NOC3L: variants seen among roughly 807,000 people sequenced by gnomAD.
The protein encoded by NOC3L is nucleolar complex protein 3 homolog.
A neutral mutation model predicts 102.5 loss-of-function variants in NOC3L; 85 were observed. The ratio of observed to expected loss-of-function variants is 0.83; its 90% CI spans 0.70 to 0.99. The LOEUF (loss-of-function observed/expected upper bound fraction) is 0.99, where lower values mean the gene tolerates loss of function less well. NOC3L is among the 50% of genes least tolerant of loss of function. NOC3L has a pLI of 0.00. For synonymous variants in NOC3L, 303 were observed against 309.4 expected (o/e 0.98, Z 0.22); for missense variants, 878 against 914.9 (o/e 0.96, Z 0.52).
intron 11 of NOC3L, among the ~76,000 whole-genome samples, chr10:94,345,644 G>GA (rs1346359608): frequency 6.6e-6 from 1 of 152,134 alleles, no homozygotes; most frequent in East Asian, 1.9e-4. Context: ...CCTGCATTAG[G>GA]ATAGTATAAT....
At position 94,356,535 on chromosome 10, in the gene NOC3L, C is replaced by T; in HGVS notation, c.565G>A (p.Glu189Lys). 1 of 1,570,536 alleles carries T rather than the reference C, an allele frequency of 6.4e-7. No individual in the cohort carries two copies. Among genetic ancestry groups the T allele is most frequent in the Non-Finnish European group, 8.8e-7 (1 of 1,142,128 alleles). The change falls in exon 5 of 21, where the codon GAG becomes AAG. Residue 189 changes from glutamate to lysine, a missense_variant and splice_region_variant. Physicochemically the swap from Glu to Lys is moderately conservative, Grantham distance 56 (BLOSUM62 1). Coordinates refer to ENST00000371361, the MANE Select transcript of NOC3L (RefSeq NM_022451.11). Reference sequence around the variant, plus strand: ...TTTAGTAACTGTAAAGACATATTACCTTCCTCAAGTTCCCTCTCTTCTTCT... The same window carrying T: ...TTTAGTAACTGTAAAGACATATTACTTTCCTCAAGTTCCCTCTCTTCTTCT... Reference protein sequence around the residue: ...DQEEERELEEEIIEDPIQELT... With the variant: ...DQEEERELEEKIIEDPIQELT...
chr10:94,319,553 T>C, the NOC3L span, among the ~76,000 whole-genome samples: 1 of 152,186 alleles, frequency 6.6e-6, no homozygotes, highest in Non-Finnish European at 1.5e-5. Flanking sequence ...CATCTTCCTG[T>C]GGTCAATGTG....
Position 94,362,912 on chromosome 10 carries a change from A to T in NOC3L, c.-74T>A. The stretch of plus-strand genomic sequence containing the variant: ...GTTACTACAGAAATCCCGGGGAATG[A>T]CACACGTGCCGAAGTCCCTACACTA... On this transcript the variant is annotated 5_prime_UTR_variant, in exon 1 of 21. Coordinates refer to ENST00000371361, the MANE Select transcript of NOC3L (RefSeq NM_022451.11). The T allele has an allele frequency of 6.2e-7, 1 of 1,612,588 alleles. No individual in the cohort carries two copies. Among genetic ancestry groups the T allele is most frequent in the Non-Finnish European group, 8.5e-7 (1 of 1,178,978 alleles).
chr10:94,350,285 C>T lies in NOC3L; in HGVS notation c.956G>A (p.Trp319Ter), dbSNP rs1370016984. ...ACTTTTCTTCAGCTTCCTCTGCTTC[C>T]AATCTAATCAAAAGATAACTGTAGT... The part of the protein sequence containing the change: ...LENLEQMVKD[W>*]KQRKLKKSNV... The change falls in exon 9 of 21, where the codon TGG becomes TAG. Residue 319 changes from tryptophan (W) to a stop codon, truncating the protein, a stop_gained. Transcript: ENST00000371361. LOFTEE classifies it high-confidence loss of function. The T allele has an allele frequency of 1.2e-6, 2 of 1,613,626 alleles. No individual in the cohort carries two copies. Among genetic ancestry groups the T allele is most frequent in the African/African-American group, 1.3e-5 (1 of 74,880 alleles).
At chr10:94,343,189 T>A (rs12256949) in intron 13 of NOC3L, among the ~76,000 whole-genome samples, 57 of 152,286 alleles carry the variant, frequency 3.7e-4, no homozygotes, top group African/African-American at 9.1e-4. Flanking sequence ...ATTATTTAAA[T>A]TTTTTAAATG....
chr10:94,333,822 T>C lies in NOC3L; in HGVS notation c.*355A>G, dbSNP rs781741966. ...TAAAATGTCTTCTCATGGTCTTGAT[T>C]TTTCTGTGCTCTATGCCCTAATTTT... On this transcript the variant is annotated 3_prime_UTR_variant, in exon 21 of 21. Transcript: ENST00000371361. The C allele has an allele frequency of 6.2e-6, 1 of 160,566 alleles. No individual in the cohort carries two copies. Among genetic ancestry groups the C allele is most frequent in the Non-Finnish European group, 1.4e-5 (1 of 73,858 alleles). 9.9% of individuals were successfully genotyped at this position (160,566 alleles called of 1,614,324 possible).
intron 19 of NOC3L, 137 bp downstream of exon 19, chr10:94,337,640 T>C: frequency 1.7e-6 from 1 of 572,456 alleles, no homozygotes. Context: ...AATTCAGGAA[T>C]ATGAAGCAAG....
At chr10:94,353,138 A>G in intron 6 of NOC3L, 81 bp from the exon 7 acceptor site, 1 of 1,160,746 alleles carries the variant, frequency 8.6e-7, no homozygotes. Context: ...CACATCCGGC[A>G]AAACAAGCGG....
At chr10:94,327,244 T>C in the NOC3L span, among the ~76,000 whole-genome samples, 1 of 152,084 alleles carries the variant, frequency 6.6e-6, no homozygotes, top group Non-Finnish European at 1.5e-5. Context: ...TCCTTTACAA[T>C]GGTCTTTTCA....
At position 94,350,149 on chromosome 10, in the gene NOC3L, T is replaced by C. The variant is rs377213843; in HGVS notation, c.1092A>G (p.Val364=). ...PHFNFHNNII[V]LIVPLMNDMS... Reference sequence around the variant, plus strand: ...TGTCATTCATGAGAGGGACAATCAATACGATGATGTTGTTGTGAAAGTTAA... The same window carrying C: ...TGTCATTCATGAGAGGGACAATCAACACGATGATGTTGTTGTGAAAGTTAA... Residue 364 remains valine, a synonymous_variant, in exon 9 of 21, where the codon GTA becomes GTG. Transcript: ENST00000371361. 4 of 1,613,994 alleles carry C rather than the reference T, an allele frequency of 2.5e-6. No individual in the cohort carries two copies. In the African/African-American group the frequency reaches 5.3e-5, roughly 22 times the overall value.
chr10:94,336,051 T>C (rs2054213915), intron 19 of NOC3L, among the ~76,000 whole-genome samples: 1 of 152,210 alleles, frequency 6.6e-6, no homozygotes, highest in South Asian at 2.1e-4. Flanking sequence ...TTGTAGGAGT[T>C]ATTTATATCC....
intron 2 of NOC3L, among the ~76,000 whole-genome samples, chr10:94,359,786 G>T (rs2054531860): frequency 6.6e-6 from 1 of 151,970 alleles, no homozygotes; most frequent in Non-Finnish European, 1.5e-5. Flanking sequence ...ATACACTCTT[G>T]GTGGGAATGT....
In NOC3L at chr10:94,361,890, G is replaced by C. The variant is rs1159216037; in HGVS notation, c.10-18C>G. ...TTTCTTCTCTAGAAAATAACAGAAA[G>C]AATACTGCATACCCAGAAACTTATT... is the stretch of plus-strand genomic sequence containing the variant. On this transcript the variant is annotated intron_variant, in intron 1 of 20. Coordinates refer to ENST00000371361, the MANE Select transcript of NOC3L (RefSeq NM_022451.11). 6.5e-7 allele frequency: 1 copy of C among 1,540,618 alleles called. No homozygotes were observed. Among genetic ancestry groups the C allele is most frequent in the East Asian group, 2.2e-5 (1 of 44,532 alleles).
chr10:94,339,586 A>G (rs1473010539), intron 17 of NOC3L, among the ~76,000 whole-genome samples, 153 bp downstream of exon 17: 1 of 152,106 alleles, frequency 6.6e-6, no homozygotes, highest in Non-Finnish European at 1.5e-5. Flanking sequence ...CTTTTTTTCA[A>G]TTTTATATAC....
the NOC3L span, chr10:94,324,997 T>C: frequency 2.0e-5 from 32 of 1,614,056 alleles, no homozygotes; most frequent in East Asian, 1.8e-4. Context: ...TTCTCAGCTC[T>C]TGACCTCAGA....
intron 13 of NOC3L, among the ~76,000 whole-genome samples, chr10:94,343,880 A>G (rs1379847209): frequency 6.6e-6 from 1 of 152,228 alleles, no homozygotes; most frequent in East Asian, 1.9e-4. Flanking sequence ...AGTTCACATT[A>G]TATTTTTACC....
chr10:94,323,128 G>A, the NOC3L span, among the ~76,000 whole-genome samples: 5 of 152,120 alleles, frequency 3.3e-5, no homozygotes, highest in Admixed American at 6.6e-5. Context: ...TAAGCCAGTA[G>A]GTACTGACCA....
the NOC3L span, among the ~76,000 whole-genome samples, chr10:94,321,312 T>G: frequency 1.3e-5 from 2 of 152,308 alleles, no homozygotes; most frequent in Middle Eastern, 6.8e-3. Flanking sequence ...TTTCTACAAA[T>G]TTACCTACAG....
At chr10:94,352,491 C>A in intron 7 of NOC3L, 88 bp from the exon 8 acceptor site, 1 of 829,188 alleles carries the variant, frequency 1.2e-6, no homozygotes, top group Non-Finnish European at 2.0e-6. Flanking sequence ...CTAGTATACA[C>A]CCAGTACTAT....
Sources: gnomAD v4.1 joint callset for allele counts (sites outside exome capture counted in the v4.1 genomes callset) on GRCh38, gnomAD v4.1.1 for gene constraint, MANE v1.5 for transcripts, NCBI Gene and HGNC (gene_info 2026-07-23, HGNC 2026-07-21) for gene names.